The following DNAJC5 variants were observed in gnomAD, a reference collection of about 807,000 sequenced individuals.
DNAJC5 encodes the protein DnaJ heat shock protein family (Hsp40) member C5.
In DNAJC5, 1 loss-of-function variant was observed where a neutral mutation model predicts 23.2. The ratio of observed to expected loss-of-function variants is 0.04; its 90% CI spans 0.02 to 0.20. DNAJC5 has a LOEUF of 0.20. Ranked by LOEUF, DNAJC5 falls within the 10% of genes least tolerant of loss-of-function variation. The pLI, the probability that DNAJC5 is intolerant of heterozygous loss-of-function variation, is 1.00. For missense variants in DNAJC5, 180 were observed against 267.0 expected, an observed-to-expected ratio of 0.67 and a Z score of 2.27; for synonymous variants, 136 against 120.0, an observed-to-expected ratio of 1.13 and a Z score of -0.87.
intron 1 of DNAJC5, among the ~76,000 whole-genome samples, chr20:63,909,882 A>G (rs534013211): frequency 1.3e-5 from 2 of 152,188 alleles, no homozygotes; most frequent in African/African-American, 2.4e-5. Flanking sequence ...CGGATTTAGT[A>G]TTGTGAGGGT....
intron 1 of DNAJC5, among the ~76,000 whole-genome samples, chr20:63,906,890 G>A (rs900291429): frequency 6.6e-6 from 1 of 152,106 alleles, no homozygotes; most frequent in Non-Finnish European, 1.5e-5. Context: ...GATCACTTGA[G>A]CTCAGGAGTT....
intron 1 of DNAJC5, among the ~76,000 whole-genome samples, chr20:63,917,401 CAATA>C (rs2053522000): frequency 6.6e-6 from 1 of 151,672 alleles, no homozygotes. Flanking sequence ...ACTGCAGGTG[CAATA>C]CAAAAAATGC....
rs1174161880 is a variant in DNAJC5, at chr20:63,929,735, C to CGCCCG, written c.321+210_321+211insGCCCG. Among the ~76,000 whole-genome samples, 728 of 152,116 alleles carry CGCCCG rather than the reference C, an allele frequency of 4.8e-3. 27 individuals carry two copies. Among genetic ancestry groups the CGCCCG allele is most frequent in the African/African-American group, 0.017 (693 of 41,462 alleles). ...GCCCGAGTCACTCCTGCCGTGCGGG[C>CGCCCG]ACCCGAGTCTCTCCTGCCATGTGGG... On this transcript the variant is annotated intron_variant, in intron 3 of 4. Transcript: ENST00000360864. This position sits in a 1 kb window ranked among gnomAD's most constrained non-coding sequence, Gnocchi z 8.6.
chr20:63,902,756 A>G (rs1238795249), intron 1 of DNAJC5, among the ~76,000 whole-genome samples: 1 of 149,562 alleles, frequency 6.7e-6, no homozygotes, highest in Admixed American at 6.7e-5. Context: ...GCTCACTGCA[A>G]GCTCTGCCAC....
Position 63,928,248 on chromosome 20 carries a change from A to G in DNAJC5, c.-11-87A>G. On this transcript the variant is annotated intron_variant, in intron 1 of 4. Transcript: ENST00000360864. The surrounding 1 kb of genome is among the most constrained non-coding windows in gnomAD (Gnocchi z 4.6). Reference sequence around the variant, plus strand: ...GCAGTGTTGGATTCTTTTGCTTTGAACGGTCTTATGGAATAAAGTCCATCA... The same window carrying G: ...GCAGTGTTGGATTCTTTTGCTTTGAGCGGTCTTATGGAATAAAGTCCATCA... 1.8e-6 allele frequency: 2 copies of G among 1,100,450 alleles called. No homozygotes were observed. Among genetic ancestry groups the G allele is most frequent in the African/African-American group, 3.1e-5 (2 of 65,004 alleles). 68.2% of individuals were successfully genotyped at this position (1,100,450 alleles called of 1,614,324 possible).
intron 1 of DNAJC5, among the ~76,000 whole-genome samples, chr20:63,921,203 CCCT>C (rs1178233270): frequency 1.3e-5 from 2 of 152,170 alleles, no homozygotes; most frequent in African/African-American, 4.8e-5. Context: ...AGGTGATCCG[CCCT>C]CCTCAGCCTC....
intron 1 of DNAJC5, among the ~76,000 whole-genome samples, chr20:63,917,019 A>G (rs2053519563): frequency 6.6e-6 from 1 of 152,212 alleles, no homozygotes; most frequent in South Asian, 2.1e-4. Flanking sequence ...TACAGTTTGT[A>G]CAGTTAACAC....
At chr20:63,925,371 G>T (rs2053603902) in intron 1 of DNAJC5, among the ~76,000 whole-genome samples, 1 of 152,104 alleles carries the variant, frequency 6.6e-6, no homozygotes, top group African/African-American at 2.4e-5. Context: ...TAGTCCCAGT[G>T]ACTTGGGAGG....
chr20:63,915,909 C>T (rs976455790), intron 1 of DNAJC5, among the ~76,000 whole-genome samples: 9 of 152,182 alleles, frequency 5.9e-5, no homozygotes, highest in South Asian at 2.1e-4. Flanking sequence ...AAGGAAATCA[C>T]AGAACATAAA....
At chr20:63,902,319 G>C (rs1196717460) in intron 1 of DNAJC5, among the ~76,000 whole-genome samples, 2 of 150,754 alleles carry the variant, frequency 1.3e-5, no homozygotes, top group Non-Finnish European at 2.9e-5. Context: ...CTCCGAAAGT[G>C]CTGGGATTAC....
At chr20:63,930,378 C>T (rs1004327039) in intron 3 of DNAJC5, among the ~76,000 whole-genome samples, 4 of 152,022 alleles carry the variant, frequency 2.6e-5, no homozygotes, top group Non-Finnish European at 5.9e-5. Flanking sequence ...GACGGAGTCT[C>T]GCTCTGTTTC....
intron 1 of DNAJC5, among the ~76,000 whole-genome samples, chr20:63,926,247 AT>A (rs2053615455): frequency 6.6e-6 from 1 of 151,902 alleles, no homozygotes; most frequent in East Asian, 1.9e-4. Context: ...ATTTCATCTA[AT>A]TTTTCTAATT....
rs908350018 is a variant in DNAJC5 at position 63,932,240 on chromosome 20, TAGG to T, written c.*676_*678del. 6.4e-6 allele frequency: 1 copy of T among 155,692 alleles called. No homozygotes were observed. Among genetic ancestry groups the T allele is most frequent in the African/African-American group, 2.4e-5 (1 of 41,372 alleles). The allele number at this position is 155,692 out of a possible 1,614,324, so 9.6% of individuals were successfully genotyped here. A position where few individuals can be genotyped will look rare whatever the true frequency, so the allele number is the denominator to read the frequency against. ...GTGGGAGAATTTGGTGTGGAAAGCA[TAGG>T]AGGCCCCTTCCGAGGTTGACACCGT... On this transcript the variant is annotated 3_prime_UTR_variant, in exon 5 of 5. Transcript: ENST00000360864. The surrounding 1 kb of genome is among the most constrained non-coding windows in gnomAD (Gnocchi z 4.4).
Position 63,933,493 on chromosome 20 carries a change from G to A in DNAJC5, c.*1925G>A, listed in dbSNP as rs1600891314. 6.6e-6 allele frequency: 1 copy of A among 152,312 alleles called. No individual in the cohort carries two copies. Among genetic ancestry groups the A allele is most frequent in the Admixed American group, 6.5e-5 (1 of 15,280 alleles). The allele number at this position is 152,312 out of a possible 1,614,324, so 9.4% of individuals were successfully genotyped here. A position where few individuals can be genotyped will look rare whatever the true frequency, so the allele number is the denominator to read the frequency against. The stretch of plus-strand genomic sequence containing the variant: ...AAATGATCACGAAGACCTTTGACAA[G>A]AGGAGAGATATGCACTGTGATATTA... On this transcript the variant is annotated 3_prime_UTR_variant, in exon 5 of 5. Coordinates refer to ENST00000360864, the MANE Select transcript of DNAJC5 (RefSeq NM_025219.3).
At chr20:63,910,698 A>G (rs1463832212) in intron 1 of DNAJC5, among the ~76,000 whole-genome samples, 1 of 149,970 alleles carries the variant, frequency 6.7e-6, no homozygotes, top group African/African-American at 2.5e-5. Flanking sequence ...ATTGAGACAG[A>G]GTCTGACTCT....
chr20:63,904,870 C>T (rs1413160602), intron 1 of DNAJC5, among the ~76,000 whole-genome samples: 3 of 152,156 alleles, frequency 2.0e-5, no homozygotes, highest in Admixed American at 1.3e-4. Flanking sequence ...ACGGCGCGAT[C>T]TCGGCTCACT....
Position 63,931,586 on chromosome 20 carries a change from G to T in DNAJC5, c.*18G>T. On this transcript the variant is annotated 3_prime_UTR_variant, in exon 5 of 5. Coordinates refer to ENST00000360864, the MANE Select transcript of DNAJC5 (RefSeq NM_025219.3). The surrounding 1 kb of genome is among the most constrained non-coding windows in gnomAD (Gnocchi z 9.6). ...TCAACTAAATCCAGGAGGAGCTGTG[G>T]TCAGAGGAGGAGCCGGCGCCTGGCC... The T allele has an allele frequency of 1.3e-6, 2 of 1,545,968 alleles. No homozygotes were observed. The highest frequency in any genetic ancestry group is 1.2e-5 in the South Asian group (1 of 84,406).
intron 1 of DNAJC5, among the ~76,000 whole-genome samples, chr20:63,904,897 G>A (rs112811028): frequency 1.3e-5 from 2 of 151,900 alleles, no homozygotes; most frequent in African/African-American, 2.4e-5. Flanking sequence ...TCTGCCTCTC[G>A]GGTTCAAGCG....
At chr20:63,914,263 G>A (rs2053501530) in intron 1 of DNAJC5, among the ~76,000 whole-genome samples, 1 of 152,190 alleles carries the variant, frequency 6.6e-6, no homozygotes, top group African/African-American at 2.4e-5. Flanking sequence ...GAATGCTTAT[G>A]TTGAAATATT....
Sources: allele counts gnomAD v4.1 joint callset (sites outside exome capture counted in the v4.1 genomes callset), GRCh38; gene constraint gnomAD v4.1.1; non-coding constraint Gnocchi (gnomAD v3.1); transcripts MANE v1.5; gene names NCBI Gene and HGNC (gene_info 2026-07-23, HGNC 2026-07-21).